Variants in CASP2 observed in about 807,000 individuals in gnomAD.
The protein encoded by CASP2 is caspase 2, also known as caspase-2.
CASP2 carries 38 observed loss-of-function variants against 54.4 expected under a neutral mutation model. That is an observed-to-expected ratio of 0.70 (90% CI 0.54 to 0.92). The LOEUF is 0.92. Among genes scored for constraint, CASP2 ranks in the 40% least tolerant of loss-of-function variants. CASP2 has a pLI of 0.00. For missense variants in CASP2, 512 were observed against 579.6 expected (o/e 0.88, Z 1.20); for synonymous variants, 215 against 216.3 (o/e 0.99, Z 0.05).
At chr7:143,292,964 C>T (rs1801623026) in intron 4 of CASP2, among the ~76,000 whole-genome samples, 1 of 152,002 alleles carries the variant, frequency 6.6e-6, no homozygotes, top group Admixed American at 6.6e-5. Flanking sequence ...TGAGCCAACA[C>T]GGTGCCACCG....
Position 143,291,599 on chromosome 7 carries a change from T to C in CASP2, c.134T>C (p.Val45Ala). Reference sequence around the variant, plus strand: ...CAGGAAACTCTAAAAAAGAACCGAGTGGTGCTAGCCAAACAGCTGTTGTTG... The same window carrying C: ...CAGGAAACTCTAAAAAAGAACCGAGCGGTGCTAGCCAAACAGCTGTTGTTG... ...HHQETLKKNR[V>A]VLAKQLLLSE... The change falls in exon 2 of 11, where the codon GTG (valine) becomes GCG (alanine). Residue 45 changes from valine (V) to alanine (A), a missense_variant. Physicochemically the swap from Val to Ala is moderately conservative, Grantham distance 64 (BLOSUM62 0). This residue lies in a region of CASP2 where 89 missense variants were observed against 67.1 expected (regional missense o/e 1.33). Transcript: ENST00000310447. The C allele has an allele frequency of 1.2e-6, 2 of 1,613,762 alleles. No homozygotes were observed.
intron 2 of CASP2, among the ~76,000 whole-genome samples, chr7:143,292,078 G>C (rs1007185151): frequency 6.6e-6 from 1 of 151,882 alleles, no homozygotes; most frequent in African/African-American, 2.4e-5. Flanking sequence ...ACACCCAGCT[G>C]GATGTTGTAC....
At position 143,305,148 on chromosome 7, in the gene CASP2, A is replaced by G; in HGVS notation, c.*77A>G. The stretch of plus-strand genomic sequence containing the variant: ...TGTGATAGAGCCTTTGATCTTCAGG[A>G]TGCACGGTTTCTGTTCTGCCCCCTC... On this transcript the variant is annotated 3_prime_UTR_variant, in exon 11 of 11. Transcript: ENST00000310447. 6.3e-7 allele frequency: 1 copy of G among 1,575,104 alleles called. No individual in the cohort carries two copies. Among genetic ancestry groups the G allele is most frequent in the Admixed American group, 1.7e-5 (1 of 59,872 alleles).
chr7:143,288,394 A>T lies in CASP2; in HGVS notation c.-62A>T, dbSNP rs1009219147. 1 of 1,542,244 alleles carries T rather than the reference A, an allele frequency of 6.5e-7. No homozygotes were observed. Among genetic ancestry groups the T allele is most frequent in the Non-Finnish European group, 8.9e-7 (1 of 1,121,164 alleles). Reference sequence around the variant, plus strand: ...TGAGGGGAGGGATGTGGGGGAAGCGACGGCCCCCGGTTTGTTTGGGCTGTG... The same window carrying T: ...TGAGGGGAGGGATGTGGGGGAAGCGTCGGCCCCCGGTTTGTTTGGGCTGTG... On this transcript the variant is annotated 5_prime_UTR_variant, in exon 1 of 11. Coordinates refer to ENST00000310447, the MANE Select transcript of CASP2 (RefSeq NM_032982.4).
At chr7:143,293,302 A>AT (rs942146870) in intron 4 of CASP2, 67 of 437,530 alleles carry the variant, frequency 1.5e-4, no homozygotes, top group Non-Finnish European at 2.0e-5. Context: ...TCATTTTTAA[A>AT]TTTTTTGTAG....
intron 4 of CASP2, 55 bp downstream of exon 4, chr7:143,292,753 A>G (rs1481027686): frequency 2.1e-6 from 3 of 1,452,012 alleles, no homozygotes; most frequent in East Asian, 4.5e-5. Flanking sequence ...GCTTACGCCT[A>G]TAATCCCAGC....
In CASP2 at chr7:143,304,685, A is replaced by G. The variant is rs1802015111; in HGVS notation, c.1129A>G (p.Met377Val). 2 of 1,614,066 alleles carry G rather than the reference A, an allele frequency of 1.2e-6. No homozygotes were observed. The highest frequency in any genetic ancestry group is 1.7e-6 in the Non-Finnish European group (2 of 1,179,920). ...GYACLKGTAA[M>V]RNTKRGSWYI... The stretch of plus-strand genomic sequence containing the variant: ...CCTTTTGGTTGCAGGGACTGCCGCC[A>G]TGCGGAACACCAAACGAGGTTCCTG... Residue 377 changes from methionine (M) to valine (V), a missense_variant, in exon 10 of 11, where the codon ATG becomes GTG. By Grantham distance (21) the Met-to-Val change is conservative. This residue lies in a region of CASP2 where 417 missense variants were observed against 495.4 expected (regional missense o/e 0.84). Transcript: ENST00000310447.
At chr7:143,293,534 G>T (rs1192051009) in intron 4 of CASP2, among the ~76,000 whole-genome samples, 1 of 151,250 alleles carries the variant, frequency 6.6e-6, no homozygotes, top group African/African-American at 2.4e-5. Flanking sequence ...TCTTGTGATG[G>T]AGTCTTGCTC....
Position 143,300,213 on chromosome 7 carries a change from G to GT in CASP2, c.891dup (p.Gln298SerfsTer4). The GT allele has an allele frequency of 1.2e-6, 2 of 1,614,140 alleles. No homozygotes were observed. The highest frequency in any genetic ancestry group is 1.7e-6 in the Non-Finnish European group (2 of 1,180,026). Reference sequence around the variant, plus strand: ...TCTTTCTTTCTGGCAGCTCCAAGAGGTTTTTCAGCTCTTTGACAACGCCAA... The same window carrying GT: ...TCTTTCTTTCTGGCAGCTCCAAGAGGTTTTTTCAGCTCTTTGACAACGCCAA... On this transcript the variant is annotated frameshift_variant, in exon 8 of 11. Transcript: ENST00000310447. LOFTEE classifies it high-confidence loss of function.
In CASP2 at chr7:143,290,055, CTT is replaced by C. The variant is rs35440867; in HGVS notation, c.75-1463_75-1462del. On this transcript the variant is annotated intron_variant, in intron 1 of 10. Coordinates refer to ENST00000310447, the MANE Select transcript of CASP2 (RefSeq NM_032982.4). ...TCTAAGATACACATTTTTTCCCTCC[CTT>C]TTTTTTTTTTTTTTTTTTTTTGGAC... 4.5e-3 allele frequency among the ~76,000 whole-genome samples: 517 copies of C among 114,512 alleles called. 1 individual carries two copies. Among genetic ancestry groups the C allele is most frequent in the African/African-American group, 0.018 (475 of 26,710 alleles). 75.1% of individuals were successfully genotyped at this position (114,512 alleles called of 152,430 possible). A position where few individuals can be genotyped will look rare whatever the true frequency, so the allele number is the denominator to read the frequency against.
intron 8 of CASP2, chr7:143,300,706 C>G: frequency 8.3e-7 from 1 of 1,201,734 alleles, no homozygotes; most frequent in Non-Finnish European, 1.0e-6. Context: ...TTGTTCTTTT[C>G]ACTTGTTCCA....
intron 6 of CASP2, among the ~76,000 whole-genome samples, chr7:143,296,252 G>A (rs771575488): frequency 6.6e-6 from 1 of 152,134 alleles, no homozygotes. Flanking sequence ...TAATTCTTTG[G>A]TTGAATTGCT....
intron 8 of CASP2, 114 bp downstream of exon 8, chr7:143,300,408 T>C: frequency 6.3e-7 from 1 of 1,599,176 alleles, no homozygotes; most frequent in Admixed American, 1.7e-5. Flanking sequence ...GGCACCTCCT[T>C]CTGTTCACTG....
intron 8 of CASP2, chr7:143,302,565 A>G (rs1270816513): frequency 6.6e-6 from 1 of 152,164 alleles, no homozygotes; most frequent in African/African-American, 2.4e-5. Flanking sequence ...CCTAGGCCTT[A>G]AAGTAAGACA....
rs1354382853 is a variant in CASP2, at chr7:143,288,480, T to A, written c.25T>A (p.Trp9Arg). 2.5e-6 allele frequency: 4 copies of A among 1,613,158 alleles called. No homozygotes were observed. Among genetic ancestry groups the A allele is most frequent in the African/African-American group, 1.3e-5 (1 of 74,910 alleles). The change falls in exon 1 of 11, where the codon TGG (tryptophan) becomes AGG (arginine). Residue 9 changes from tryptophan to arginine, a missense_variant. Coordinates refer to ENST00000310447, the MANE Select transcript of CASP2 (RefSeq NM_032982.4). ...AATGGCGGCGCCGAGCGCGGGGTCT[T>A]GGTCCACCTTCCAGCACAAGGAGCT... MAAPSAGS[W>R]STFQHKELMA... is the part of the protein sequence containing the mutation.
chr7:143,289,405 C>T (rs139897872), intron 1 of CASP2, among the ~76,000 whole-genome samples: 1 of 152,274 alleles, frequency 6.6e-6, no homozygotes, highest in Non-Finnish European at 1.5e-5. Flanking sequence ...GTCTGGAACT[C>T]GAGAGAGTTA....
At chr7:143,298,734 C>G (rs1182494821) in intron 6 of CASP2, 1 of 151,890 alleles carries the variant, frequency 6.6e-6, no homozygotes, top group African/African-American at 2.4e-5. Flanking sequence ...GGTGAAAACT[C>G]CTGTGCTGAT....
At chr7:143,301,133 G>A (rs1409120415) in intron 8 of CASP2, 2 of 164,718 alleles carry the variant, frequency 1.2e-5, no homozygotes, top group Non-Finnish European at 2.6e-5. Flanking sequence ...ATGCATTTAA[G>A]GGCTTACATA....
Position 143,292,677 on chromosome 7 carries a change from A to C in CASP2, c.454A>C (p.Lys152Gln), listed in dbSNP as rs1801611936. 1 of 1,612,914 alleles carries C rather than the reference A, an allele frequency of 6.2e-7. No individual in the cohort carries two copies. Among genetic ancestry groups the C allele is most frequent in the African/African-American group, 1.3e-5 (1 of 75,000 alleles). ...GGTGTGTGAGTCCTGTCCCCTTTAC[A>C]AGAAGCTCCGCCTGTCGACAGGTGA... The part of the protein sequence containing the change: ...FPVCESCPLY[K>Q]KLRLSTDTVE... The change falls in exon 4 of 11, where the codon AAG becomes CAG. Residue 152 changes from lysine (K) to glutamine (Q), a missense_variant. Around this residue, in one of 3 missense-constraint regions of CASP2, gnomAD observed 417 missense variants for 495.4 expected, o/e 0.84. Transcript: ENST00000310447.
Sources: allele counts gnomAD v4.1 joint callset (sites outside exome capture counted in the v4.1 genomes callset), GRCh38; gene constraint gnomAD v4.1.1; regional missense constraint gnomAD v4.1.1; transcripts MANE v1.5; gene names NCBI Gene and HGNC (gene_info 2026-07-23, HGNC 2026-07-21).